The following ADGRF5 variants were observed in gnomAD, a reference collection of about 807,000 sequenced individuals.
The protein encoded by ADGRF5 is G-protein coupled receptor 116.
Under a neutral mutation model 132.3 loss-of-function variants are expected in ADGRF5, and 75 were observed. The ratio of observed to expected loss-of-function variants is 0.57; its 90% CI spans 0.47 to 0.69. ADGRF5 has a LOEUF of 0.69. Among genes scored for constraint, ADGRF5 ranks in the 30% least tolerant of loss-of-function variants. The pLI is 0.00. For missense variants in ADGRF5, 1,516 were observed against 1,630.6 expected (o/e 0.93, Z 1.21); for synonymous variants, 629 against 597.6 (o/e 1.05, Z -0.77).
chr6:46,878,431 A>G (rs1222159796), intron 9 of ADGRF5, 26 bp from the exon 10 acceptor site: 9 of 1,338,710 alleles, frequency 6.7e-6, no homozygotes, highest in African/African-American at 1.4e-5. Context: ...AAAATCATGT[A>G]TTATTATAAC....
intron 10 of ADGRF5, among the ~76,000 whole-genome samples, chr6:46,877,227 C>T (rs554164485): frequency 4.8e-5 from 1 of 20,914 alleles, no homozygotes; most frequent in South Asian, 1.4e-3. Context: ...TATTTCCTCT[C>T]TTTCTTTCTT....
chr6:46,894,780 C>T (rs1056310045), intron 3 of ADGRF5, among the ~76,000 whole-genome samples: 2 of 152,144 alleles, frequency 1.3e-5, no homozygotes, highest in African/African-American at 4.8e-5. Context: ...CATGAAAACC[C>T]CTAACAAAGT....
chr6:46,866,147 C>A lies in ADGRF5; in HGVS notation c.1834+778G>T, dbSNP rs1397431340. ...GACATAGGGTGCTACCAATGGACAA[C>A]TTTAAACTTAGGTTGGCACTCCTGA... On this transcript the variant is annotated intron_variant, in intron 13 of 20. Transcript: ENST00000283296. 1.3e-4 allele frequency among the ~76,000 whole-genome samples: 20 copies of A among 152,034 alleles called. 1 individual carries two copies. Among genetic ancestry groups the A allele is most frequent in the Non-Finnish European group, 2.9e-5 (2 of 68,016 alleles).
At chr6:46,887,393 A>G (rs585674) in intron 4 of ADGRF5, among the ~76,000 whole-genome samples, 52,933 of 152,054 alleles carry the variant, frequency 0.35, 11,361 homozygotes, top group East Asian at 0.52. Flanking sequence ...TGGGAAACAC[A>G]GCAGAAGTTC....
At chr6:46,920,134 G>A (rs1006845487) in intron 1 of ADGRF5, among the ~76,000 whole-genome samples, 4 of 152,102 alleles carry the variant, frequency 2.6e-5, no homozygotes, top group Non-Finnish European at 5.9e-5. Context: ...TTAATTTCCT[G>A]TTATTTTATC....
At chr6:46,893,998 G>A (rs1329652162) in intron 3 of ADGRF5, among the ~76,000 whole-genome samples, 1 of 152,176 alleles carries the variant, frequency 6.6e-6, no homozygotes, top group African/African-American at 2.4e-5. Flanking sequence ...AAACACTAAT[G>A]GGAACTATGG....
intron 2 of ADGRF5, among the ~76,000 whole-genome samples, chr6:46,905,604 G>T (rs551822095): frequency 6.6e-6 from 1 of 151,698 alleles, no homozygotes; most frequent in South Asian, 2.1e-4. Flanking sequence ...AAAAATAAAG[G>T]ACAAAAATCG....
At chr6:46,940,986 A>C (rs951946440) in intron 1 of ADGRF5, among the ~76,000 whole-genome samples, 1 of 152,174 alleles carries the variant, frequency 6.6e-6, no homozygotes, top group Non-Finnish European at 1.5e-5. Flanking sequence ...TCTGCTCAGT[A>C]GACAGAGAAG....
At chr6:46,872,085 ATT>A (rs60764141) in intron 10 of ADGRF5, 72 bp from the exon 11 acceptor site, 4 of 1,069,982 alleles carry the variant, frequency 3.7e-6, no homozygotes, top group Non-Finnish European at 5.3e-6. Flanking sequence ...AGGTCAAATC[ATT>A]TTTTTTTCAT....
Position 46,878,296 on chromosome 6 carries a change from G to C in ADGRF5, c.1146C>G (p.Cys382Trp), listed in dbSNP as rs373082410. Residue 382 changes from cysteine to tryptophan, a missense_variant, in exon 10 of 21, where the codon TGC (cysteine) becomes TGG (tryptophan). Transcript: ENST00000283296. ...ILANEEMKVM[C>W]DNNPVSLNCC... is the part of the protein sequence containing the mutation. ...AGTTCAAAGATACAGGATTGTTGTCGCACATCACCTTCATTTCTTCATTTG... is the reference window on the plus strand; with the variant it reads ...AGTTCAAAGATACAGGATTGTTGTCCCACATCACCTTCATTTCTTCATTTG... 1.2e-6 allele frequency: 2 copies of C among 1,612,932 alleles called. No homozygotes were observed. The highest frequency in any genetic ancestry group is 1.7e-6 in the Non-Finnish European group (2 of 1,179,056).
chr6:46,924,407 G>T (rs1011563422), upstream of ADGRF5, among the ~76,000 whole-genome samples: 3 of 152,158 alleles, frequency 2.0e-5, no homozygotes, highest in African/African-American at 7.2e-5. Flanking sequence ...TATATAATGG[G>T]TTATCAATAA....
intron 1 of ADGRF5, among the ~76,000 whole-genome samples, chr6:46,933,764 A>G (rs1211793661): frequency 6.6e-6 from 1 of 152,160 alleles, no homozygotes; most frequent in Non-Finnish European, 1.5e-5. Context: ...GGGGGTCCAC[A>G]TTTCCAAGTT....
intron 19 of ADGRF5, among the ~76,000 whole-genome samples, chr6:46,856,270 G>T (rs959022507): frequency 2.2e-4 from 34 of 152,136 alleles, no homozygotes; most frequent in Non-Finnish European, 4.4e-4. Context: ...TAGGCTTCTA[G>T]CATTTTCTGA....
In ADGRF5 at chr6:46,871,877, G is replaced by T. The variant is rs1581780017; in HGVS notation, c.1377C>A (p.Gly459=). 4 of 1,609,316 alleles carry T rather than the reference G, an allele frequency of 2.5e-6. No individual in the cohort carries two copies. The highest frequency in any genetic ancestry group is 3.4e-6 in the Non-Finnish European group (4 of 1,176,594). ...CEFISAYGAR[G]SANIKVTFIS... ...TGAATGTCACTTTTATGTTTGCACT[G>T]CCTCTGGCTCCATAGGCACTGATGA... The change falls in exon 11 of 21, where the codon GGC becomes GGA. Residue 459 remains glycine (G), a synonymous_variant. Transcript: ENST00000283296.
intron 1 of ADGRF5, among the ~76,000 whole-genome samples, chr6:46,920,533 G>GGGT (rs1554212963): frequency 4.4e-5 from 6 of 135,298 alleles, no homozygotes; most frequent in Non-Finnish European, 9.5e-5. Flanking sequence ...ATTTGGGGGG[G>GGGT]GGGAAGAGAG....
chr6:46,857,342 C>G (rs1008352178), intron 17 of ADGRF5, among the ~76,000 whole-genome samples: 1 of 152,200 alleles, frequency 6.6e-6, no homozygotes, highest in Non-Finnish European at 1.5e-5. Flanking sequence ...TTCATATGTT[C>G]TTGGCACAAG....
chr6:46,904,242 T>C (rs1775080018), intron 2 of ADGRF5, among the ~76,000 whole-genome samples: 1 of 152,314 alleles, frequency 6.6e-6, no homozygotes, highest in East Asian at 1.9e-4. Context: ...ACCCCACATG[T>C]GTATATTCAC....
At chr6:46,883,726 G>A in intron 5 of ADGRF5, 61 bp from the exon 6 acceptor site, 2 of 892,200 alleles carry the variant, frequency 2.2e-6, no homozygotes, top group South Asian at 3.2e-5. Flanking sequence ...ATACAAACCA[G>A]AAACATTTGT....
chr6:46,892,655 C>A (rs1773764479), intron 3 of ADGRF5, among the ~76,000 whole-genome samples: 1 of 152,224 alleles, frequency 6.6e-6, no homozygotes. Flanking sequence ...GAGGCTGAGG[C>A]AGGAGAATCA....
Sources: allele counts gnomAD v4.1 joint callset (sites outside exome capture counted in the v4.1 genomes callset), GRCh38; gene constraint gnomAD v4.1.1; transcripts MANE v1.5; gene names NCBI Gene and HGNC (gene_info 2026-07-23, HGNC 2026-07-21).